The following RELN variants were observed in gnomAD, a reference collection of about 807,000 sequenced individuals.
RELN encodes reelin.
A neutral mutation model predicts 427.6 loss-of-function variants in RELN; 108 were observed. That is an observed-to-expected ratio of 0.25 (90% CI 0.22 to 0.30). The LOEUF is 0.30. Ranked by LOEUF, RELN falls within the 10% of genes least tolerant of loss-of-function variation. The pLI is 1.00. For synonymous variants in RELN, 1,524 were observed against 1,513.4 expected (o/e 1.01, Z -0.16); for missense variants, 3,715 against 4,302.8 (o/e 0.86, Z 3.82).
At position 103,796,875 on chromosome 7, in the gene RELN, CA is replaced by C. The variant is rs1310087423; in HGVS notation, c.474-20249del. On this transcript the variant is annotated intron_variant, in intron 3 of 64. Coordinates refer to ENST00000428762, the MANE Select transcript of RELN (RefSeq NM_005045.4). Reference sequence around the variant, plus strand: ...GGCAAGAGAGCTAGACTCCATCTCACAAAAAAAAAAAAAAAAAAAGAAAGAA... The same window carrying C: ...GGCAAGAGAGCTAGACTCCATCTCACAAAAAAAAAAAAAAAAAAGAAAGAA... Among the ~76,000 whole-genome samples the C allele has an allele frequency of 4.2e-3, 283 of 67,250 alleles. 2 individuals carry two copies. The highest frequency in any genetic ancestry group is 0.014 in the African/African-American group (261 of 18,712). 44.1% of individuals were successfully genotyped at this position (67,250 alleles called of 152,430 possible).
chr7:103,496,802 T>C, intron 55 of RELN, 34 bp from the exon 56 acceptor site: 1 of 1,610,728 alleles, frequency 6.2e-7, no homozygotes, highest in South Asian at 1.1e-5. Flanking sequence ...TAGCAATATA[T>C]CTAGAATCTC....
chr7:103,947,017 G>A (rs1185790911), intron 1 of RELN, among the ~76,000 whole-genome samples: 1 of 152,180 alleles, frequency 6.6e-6, no homozygotes, highest in Non-Finnish European at 1.5e-5. Context: ...AACACTAGCT[G>A]TGGAAATAAT....
intron 1 of RELN, among the ~76,000 whole-genome samples, chr7:103,948,696 C>A (rs1796268678): frequency 6.6e-6 from 1 of 151,978 alleles, no homozygotes. Context: ...TTGGGCATTT[C>A]ACATCAGGTT....
chr7:103,743,526 T>G (rs903240935), intron 6 of RELN, among the ~76,000 whole-genome samples: 1 of 152,276 alleles, frequency 6.6e-6, no homozygotes, highest in East Asian at 1.9e-4. Flanking sequence ...CCATCTCACG[T>G]GCAGAGACAT....
At chr7:103,760,273 C>G (rs1791265737) in intron 4 of RELN, among the ~76,000 whole-genome samples, 1 of 151,762 alleles carries the variant, frequency 6.6e-6, no homozygotes, top group Non-Finnish European at 1.5e-5. Flanking sequence ...AGCTTCATTT[C>G]TTAAAAAGCA....
At chr7:103,557,895 G>T in intron 37 of RELN, 70 bp downstream of exon 37, 2 of 781,804 alleles carry the variant, frequency 2.6e-6, no homozygotes, top group Non-Finnish European at 4.6e-6. Context: ...TTAAATCCGT[G>T]ATTTCTTTGT....
intron 1 of RELN, among the ~76,000 whole-genome samples, chr7:103,949,065 G>T (rs1796281004): frequency 1.4e-5 from 2 of 146,938 alleles, no homozygotes; most frequent in Non-Finnish European, 3.0e-5. Flanking sequence ...ACATATATAT[G>T]GGTATATATA....
At chr7:103,538,931 T>G (rs375446767) in intron 45 of RELN, 147 bp downstream of exon 45, 1 of 850,812 alleles carries the variant, frequency 1.2e-6, no homozygotes, top group African/African-American at 1.7e-5. Context: ...CATGCAGTAT[T>G]TTCAAGAGTA....
intron 1 of RELN, among the ~76,000 whole-genome samples, chr7:103,927,920 C>T (rs1795781744): frequency 6.6e-6 from 1 of 152,182 alleles, no homozygotes; most frequent in South Asian, 2.1e-4. Flanking sequence ...TAAGTATGCT[C>T]TGCTGGCTTT....
chr7:103,713,935 A>AAGTATT (rs1789869777), intron 8 of RELN, among the ~76,000 whole-genome samples: 1 of 152,154 alleles, frequency 6.6e-6, no homozygotes. Context: ...AAATCCCTAA[A>AAGTATT]AGTATTAGCT....
chr7:103,941,863 C>A (rs926790309), intron 1 of RELN, among the ~76,000 whole-genome samples: 1 of 151,842 alleles, frequency 6.6e-6, no homozygotes, highest in Non-Finnish European at 1.5e-5. Flanking sequence ...ACCACTGTGA[C>A]AGAGAGAGAG....
At chr7:103,820,041 A>G (rs1423015028) in intron 3 of RELN, among the ~76,000 whole-genome samples, 3 of 152,058 alleles carry the variant, frequency 2.0e-5, no homozygotes, top group Non-Finnish European at 4.4e-5. Context: ...ATATACAATA[A>G]TAAAATCTCT....
intron 3 of RELN, among the ~76,000 whole-genome samples, chr7:103,798,977 C>T (rs1584249158): frequency 6.6e-6 from 1 of 152,146 alleles, no homozygotes; most frequent in African/African-American, 2.4e-5. Context: ...GGCCTATAGC[C>T]ATTCCCTCAT....
At chr7:103,677,106 T>C (rs1833546786) in intron 11 of RELN, among the ~76,000 whole-genome samples, 1 of 151,904 alleles carries the variant, frequency 6.6e-6, no homozygotes, top group African/African-American at 2.4e-5. Flanking sequence ...GTTGCTGTCC[T>C]TTGCAGGGAC....
intron 3 of RELN, among the ~76,000 whole-genome samples, chr7:103,819,388 A>G (rs953388677): frequency 6.6e-6 from 1 of 152,150 alleles, no homozygotes; most frequent in Non-Finnish European, 1.5e-5. Context: ...AACAAAACTC[A>G]GAAAGATACA....
At chr7:103,863,998 C>A (rs1234400595) in intron 2 of RELN, among the ~76,000 whole-genome samples, 1 of 152,094 alleles carries the variant, frequency 6.6e-6, no homozygotes, top group Admixed American at 6.6e-5. Context: ...TGGGGATGCT[C>A]ACACTACTGG....
chr7:103,930,874 G>GTGTC (rs917097839), intron 1 of RELN, among the ~76,000 whole-genome samples: 1 of 115,296 alleles, frequency 8.7e-6, no homozygotes, highest in Non-Finnish European at 1.6e-5. Context: ...GCATATGTGT[G>GTGTC]TGTGTGTGTG....
At chr7:103,802,875 CA>C (rs1448254748) in intron 3 of RELN, among the ~76,000 whole-genome samples, 2 of 152,132 alleles carry the variant, frequency 1.3e-5, no homozygotes, top group Non-Finnish European at 2.9e-5. Context: ...ACCTCCTAAT[CA>C]CCACCATCAC....
At chr7:103,956,151 A>G (rs1478589217) in intron 1 of RELN, among the ~76,000 whole-genome samples, 1 of 152,098 alleles carries the variant, frequency 6.6e-6, no homozygotes, top group African/African-American at 2.4e-5. Flanking sequence ...CTTTATCTAC[A>G]TTGCTCATAG....
Sources: allele counts gnomAD v4.1 joint callset (sites outside exome capture counted in the v4.1 genomes callset), GRCh38; gene constraint gnomAD v4.1.1; transcripts MANE v1.5; gene names NCBI Gene and HGNC (gene_info 2026-07-23, HGNC 2026-07-21).